MUC5AC: variants seen among roughly 807,000 people sequenced by gnomAD.
MUC5AC encodes the protein mucin-5AC.
Under a neutral mutation model 169.7 loss-of-function variants are expected in MUC5AC, and 158 were observed. The ratio of observed to expected loss-of-function variants is 0.93; its 90% confidence interval spans 0.82 to 1.06. The LOEUF is 1.06. Ranked by LOEUF, MUC5AC falls within the 50% of genes least tolerant of loss-of-function variation. The pLI, the probability that MUC5AC is intolerant of heterozygous loss-of-function variation, is 0.00. For missense variants in MUC5AC, 4,359 were observed against 3,089.9 expected, an observed-to-expected ratio of 1.41 and a Z score of -9.74; for synonymous variants, 1,975 against 1,237.0, an observed-to-expected ratio of 1.60 and a Z score of -12.52.
intron 12 of MUC5AC, 56 bp downstream of exon 12, chr11:1,168,043 T>C: frequency 1.4e-6 from 2 of 1,434,052 alleles, no homozygotes; most frequent in African/African-American, 1.4e-5. Flanking sequence ...CTGTCTCTTC[T>C]GCAAGTCACC....
chr11:1,168,439 C>A (rs758484359), intron 12 of MUC5AC, 44 bp from the exon 13 acceptor site: 1 of 1,590,914 alleles, frequency 6.3e-7, no homozygotes, highest in Admixed American at 1.7e-5. Context: ...GCTGAGGTGC[C>A]GCAAGCCTGC....
intron 36 of MUC5AC, 30 bp downstream of exon 36, chr11:1,195,309 C>T: frequency 1.3e-6 from 1 of 749,450 alleles, no homozygotes; most frequent in Non-Finnish European, 2.5e-6. Context: ...GAGGGAGGGT[C>T]AGTGTGGCCG....
Position 1,177,573 on chromosome 11 carries a change from C to T in MUC5AC, c.3027C>T (p.Gly1009=). Residue 1009 remains glycine (G), a synonymous_variant, in exon 24 of 49, where the codon GGC becomes GGT. Transcript: ENST00000621226. ...GIYLVVDTDI[G]LVLLWDKKTS... ...ACCTGGTGGTGGACACCGACATTGG[C>T]CTGGTGCTGCTGTGGGACAAGAAGA... 2 of 398,812 alleles carry T rather than the reference C, an allele frequency of 5.0e-6. No individual in the cohort carries two copies. The highest frequency in any genetic ancestry group is 8.8e-6 in the Non-Finnish European group (2 of 226,208). The allele number at this position is 398,812 out of a possible 1,614,324, so 24.7% of individuals were successfully genotyped here. A position where few individuals can be genotyped will look rare whatever the true frequency, so the allele number is the denominator to read the frequency against.
At chr11:1,161,678 C>T in intron 3 of MUC5AC, 92 bp downstream of exon 3, 1 of 1,415,208 alleles carries the variant, frequency 7.1e-7, no homozygotes, top group Non-Finnish European at 9.5e-7. Flanking sequence ...AGAGGGGCCC[C>T]AGCTTTCCGG....
chr11:1,190,756 C>A lies in MUC5AC; in HGVS notation c.12611C>A (p.Thr4204Asn). 1 of 704,648 alleles carries A rather than the reference C, an allele frequency of 1.4e-6. No individual in the cohort carries two copies. Among genetic ancestry groups the A allele is most frequent in the Non-Finnish European group, 2.6e-6 (1 of 386,128 alleles). The allele number at this position is 704,648 out of a possible 1,614,324, so 43.6% of individuals were successfully genotyped here. A position where few individuals can be genotyped will look rare whatever the true frequency, so the allele number is the denominator to read the frequency against. ...ISSPTSSTTS[T>N]PQTSKTSAAT... ...TCCCCTACAAGCAGCACAACCTCCA[C>A]TCCACAGACCAGCAAAACCTCAGCT... is the stretch of plus-strand genomic sequence containing the variant. Residue 4204 changes from threonine to asparagine, a missense_variant, in exon 31 of 49, where the codon ACT (threonine) becomes AAT (asparagine). Coordinates refer to ENST00000621226, the MANE Select transcript of MUC5AC (RefSeq NM_001304359.2).
intron 42 of MUC5AC, 128 bp from the exon 43 acceptor site, chr11:1,198,140 A>G (rs553856003): frequency 2.9e-6 from 2 of 684,472 alleles, no homozygotes; most frequent in East Asian, 2.7e-5. Context: ...TTCCGCAGAG[A>G]TGAGGCTGGA....
rs1165135660 is a variant in MUC5AC, at chr11:1,190,954, C to A, written c.12809C>A (p.Thr4270Lys). 3 of 737,868 alleles carry A rather than the reference C, an allele frequency of 4.1e-6. No individual in the cohort carries two copies. The highest frequency in any genetic ancestry group is 1.4e-5 in the South Asian group (1 of 71,258). 45.7% of individuals were successfully genotyped at this position (737,868 alleles called of 1,614,324 possible). A position where few individuals can be genotyped will look rare whatever the true frequency, so the allele number is the denominator to read the frequency against. ...AGCACCAGTACAACCTCTGCTGCTA[C>A]AACCAGCACAACCTCTGCTCCTACA... ...VPSTSTTSAA[T>K]TSTTSAPTTR... Residue 4270 changes from threonine (T) to lysine (K), a missense_variant, in exon 31 of 49, where the codon ACA (threonine) becomes AAA (lysine). Transcript: ENST00000621226.
chr11:1,197,417 C>A (rs1861304225), intron 40 of MUC5AC, 51 bp from the exon 41 acceptor site: 4 of 695,284 alleles, frequency 5.8e-6, no homozygotes, highest in South Asian at 1.5e-5. Flanking sequence ...GGCTGCTGCA[C>A]CCCTGGGTGG....
chr11:1,182,677 G>A lies in MUC5AC; in HGVS notation c.4532G>A (p.Ser1511Asn). ...GCCTCAGGCTCCTCAGCTCCCAGCA[G>A]CACACCTGGCACCGTGTCTCTCTCT... ...TRASGSSAPS[S>N]TPGTVSLSTA... The change falls in exon 31 of 49, where the codon AGC becomes AAC. Residue 1511 changes from serine (S) to asparagine (N), a missense_variant. By Grantham distance (46) the Ser-to-Asn change is conservative. Coordinates refer to ENST00000621226, the MANE Select transcript of MUC5AC (RefSeq NM_001304359.2). 1 of 398,884 alleles carries A rather than the reference G, an allele frequency of 2.5e-6. No individual in the cohort carries two copies. Among genetic ancestry groups the A allele is most frequent in the Non-Finnish European group, 4.4e-6 (1 of 226,324 alleles). 24.7% of individuals were successfully genotyped at this position (398,884 alleles called of 1,614,324 possible).
At chr11:1,171,459 A>G (rs1316462427) in intron 15 of MUC5AC, among the ~76,000 whole-genome samples, 1 of 116,874 alleles carries the variant, frequency 8.6e-6, no homozygotes, top group African/African-American at 3.4e-5. Flanking sequence ...CCATTCACCC[A>G]TTCACCCCCT....
Position 1,182,258 on chromosome 11 carries a change from G to A in MUC5AC, c.4113G>A (p.Arg1371=), listed in dbSNP as rs1271598602. 4 of 398,488 alleles carry A rather than the reference G, an allele frequency of 1.0e-5. No individual in the cohort carries two copies. The highest frequency in any genetic ancestry group is 1.8e-5 in the Non-Finnish European group (4 of 226,044). 24.7% of individuals were successfully genotyped at this position (398,488 alleles called of 1,614,324 possible). A position where few individuals can be genotyped will look rare whatever the true frequency, so the allele number is the denominator to read the frequency against. The change falls in exon 31 of 49, where the codon AGG becomes AGA. Residue 1371 remains arginine, a synonymous_variant. Coordinates refer to ENST00000621226, the MANE Select transcript of MUC5AC (RefSeq NM_001304359.2). The part of the protein sequence containing the change: ...PTTAGTSPRT[R]LPTASASLPP... ...CAGCAGGCACTTCTCCCAGGACGAG[G>A]CTGCCCACAGCCTCTGCCTCACTGC... is the stretch of plus-strand genomic sequence containing the variant.
In MUC5AC at chr11:1,197,537, C is replaced by T. The variant is rs1387728807; in HGVS notation, c.15931C>T (p.Arg5311Ter). 7.0e-6 allele frequency: 5 copies of T among 717,138 alleles called. No homozygotes were observed. Among genetic ancestry groups the T allele is most frequent in the African/African-American group, 1.7e-5 (1 of 57,800 alleles). 44.4% of individuals were successfully genotyped at this position (717,138 alleles called of 1,614,324 possible). ...CEAATWTLTC[R>*]PKLCPLPPAC... ...GGCGGCCACGTGGACGCTGACCTGC[C>T]GACCCAAGCTCTGCCCGCTGCCCCC... Residue 5311 changes from arginine to a stop codon, truncating the protein, a stop_gained, in exon 41 of 49, where the codon CGA (arginine) becomes TGA (stop). Coordinates refer to ENST00000621226, the MANE Select transcript of MUC5AC (RefSeq NM_001304359.2). LOFTEE classifies it high-confidence loss of function.
chr11:1,200,054 G>A (rs1045321309), intron 48 of MUC5AC, 85 bp downstream of exon 48: 13 of 644,180 alleles, frequency 2.0e-5, no homozygotes, highest in South Asian at 5.4e-5. Flanking sequence ...CCAGATAGAC[G>A]AGGGGCAGGA....
At position 1,198,596 on chromosome 11, in the gene MUC5AC, C is replaced by T. The variant is rs1258443582; in HGVS notation, c.16174-278C>T. On this transcript the variant is annotated intron_variant, in intron 43 of 48. Coordinates refer to ENST00000621226, the MANE Select transcript of MUC5AC (RefSeq NM_001304359.2). Reference sequence around the variant, plus strand: ...TGGATCCCACGGCTCTGTCCTGAGCCGGCTGAGTATGTGGCCCTGCAGAGT... The same window carrying T: ...TGGATCCCACGGCTCTGTCCTGAGCTGGCTGAGTATGTGGCCCTGCAGAGT... 5.9e-5 allele frequency among the ~76,000 whole-genome samples: 9 copies of T among 152,246 alleles called. No homozygotes were observed. In the South Asian group the frequency reaches 6.2e-4, roughly 11 times the overall value.
chr11:1,168,230 G>A (rs1426537234), intron 12 of MUC5AC, among the ~76,000 whole-genome samples: 3 of 152,192 alleles, frequency 2.0e-5, no homozygotes, highest in East Asian at 3.9e-4. Flanking sequence ...GGGACTGGGC[G>A]CACCTGCGGC....
intron 12 of MUC5AC, among the ~76,000 whole-genome samples, 196 bp downstream of exon 12, chr11:1,168,183 G>A (rs993191030): frequency 5.3e-5 from 8 of 152,176 alleles, no homozygotes; most frequent in African/African-American, 1.7e-4. Flanking sequence ...CGGGCCTCCC[G>A]GGCCGCCATA....
chr11:1,195,993 G>A lies in MUC5AC; in HGVS notation c.15576G>A (p.Ala5192=), dbSNP rs372563453. ...TGTGCTCCAGCCTGGAGCTGTACGC[G>A]GCACTCTGTGCGTCCCACGACATCT... is the stretch of plus-strand genomic sequence containing the variant. ...DVVCSSLELY[A]ALCASHDICI... Residue 5192 remains alanine (A), a synonymous_variant, in exon 37 of 49, where the codon GCG becomes GCA. Coordinates refer to ENST00000621226, the MANE Select transcript of MUC5AC (RefSeq NM_001304359.2). 8 of 764,852 alleles carry A rather than the reference G, an allele frequency of 1.0e-5. No homozygotes were observed. The highest frequency in any genetic ancestry group is 5.1e-5 in the Admixed American group (3 of 59,000). The allele number at this position is 764,852 out of a possible 1,614,324, so 47.4% of individuals were successfully genotyped here.
intron 15 of MUC5AC, chr11:1,169,256 G>T: frequency 1.2e-6 from 1 of 827,720 alleles, no homozygotes; most frequent in African/African-American, 1.9e-5. Flanking sequence ...ACAAGTCTCT[G>T]TTGGTCAACA....
rs1200306594 is a variant in MUC5AC at position 1,189,429 on chromosome 11, T to G, written c.11284T>G (p.Ser3762Ala). 5 of 567,024 alleles carry G rather than the reference T, an allele frequency of 8.8e-6. No individual in the cohort carries two copies. The highest frequency in any genetic ancestry group is 2.5e-5 in the South Asian group (1 of 40,032). The allele number at this position is 567,024 out of a possible 1,614,324, so 35.1% of individuals were successfully genotyped here. ...TTSAPTASTT[S>A]APTSTSSAPT... ...CTCTGCTCCCACAGCCAGCACAACG[T>G]CAGCTCCTACGAGCACTTCCTCGGC... Residue 3762 changes from serine (S) to alanine (A), a missense_variant, in exon 31 of 49, where the codon TCA becomes GCA. Ser to Ala is a moderately conservative substitution (Grantham distance 99). Transcript: ENST00000621226.
Sources: gnomAD v4.1 joint callset for allele counts (sites outside exome capture counted in the v4.1 genomes callset) on GRCh38, gnomAD v4.1.1 for gene constraint, MANE v1.5 for transcripts, NCBI Gene and HGNC (gene_info 2026-07-23, HGNC 2026-07-21) for gene names.